The following ANHX variants were observed in gnomAD, a reference collection of about 807,000 sequenced individuals.
The protein encoded by ANHX is anomalous homeobox protein.
A neutral mutation model predicts 38.9 loss-of-function variants in ANHX; 20 were observed. The ratio of observed to expected loss-of-function variants is 0.51; its 90% CI spans 0.36 to 0.75. The LOEUF is 0.75. Ranked by LOEUF, ANHX falls within the 30% of genes least tolerant of loss-of-function variation. ANHX has a pLI of 0.00. For missense variants in ANHX, 475 were observed against 493.1 expected, an observed-to-expected ratio of 0.96 and a Z score of 0.35; for synonymous variants, 185 against 203.1, an observed-to-expected ratio of 0.91 and a Z score of 0.76.
At chr12:133,230,335 G>C (rs1957252081) in intron 3 of ANHX, among the ~76,000 whole-genome samples, 1 of 152,214 alleles carries the variant, frequency 6.6e-6, no homozygotes, top group South Asian at 2.1e-4. Context: ...ATTTACTGCT[G>C]GGCTTCTGAC....
chr12:133,234,392 C>T lies in ANHX; in HGVS notation c.-22-14G>A, dbSNP rs1341289834. 1.3e-6 allele frequency: 2 copies of T among 1,518,120 alleles called. No homozygotes were observed. The highest frequency in any genetic ancestry group is 1.2e-5 in the South Asian group (1 of 82,420). The allele number at this position is 1,518,120 out of a possible 1,614,324, so 94.0% of individuals were successfully genotyped here. ...GTCGTGGCCACTCTGCCAACACAAA[C>T]AGTCACAAGAATGGCCACCACTGAC... is the stretch of plus-strand genomic sequence containing the variant. On this transcript the variant is annotated splice_polypyrimidine_tract_variant and intron_variant, in intron 1 of 9. Transcript: ENST00000545940.
In ANHX at chr12:133,218,567, T is replaced by TC. The variant is rs1770460033; in HGVS notation, c.*317dup. The TC allele has an allele frequency of 4.7e-6, 1 of 211,084 alleles. No homozygotes were observed. The highest frequency in any genetic ancestry group is 2.3e-5 in the African/African-American group (1 of 43,564). 13.1% of individuals were successfully genotyped at this position (211,084 alleles called of 1,614,324 possible). A position where few individuals can be genotyped will look rare whatever the true frequency, so the allele number is the denominator to read the frequency against. On this transcript the variant is annotated 3_prime_UTR_variant, in exon 10 of 10. Coordinates refer to ENST00000545940, the MANE Select transcript of ANHX (RefSeq NM_001372060.1). ...GGCAAGGCAGCCAGCAGCAGAACACTCCCCTCTCTAGAATGGCCTTCTCTG... is the reference window on the plus strand; with the variant it reads ...GGCAAGGCAGCCAGCAGCAGAACACTCCCCCTCTCTAGAATGGCCTTCTCTG...
intron 7 of ANHX, among the ~76,000 whole-genome samples, chr12:133,224,549 C>T (rs571929714): frequency 6.7e-6 from 1 of 150,188 alleles, no homozygotes; most frequent in African/African-American, 2.5e-5. Context: ...TGTAGTTCTA[C>T]CTACTCGGGA....
chr12:133,231,336 G>C, intron 3 of ANHX, among the ~76,000 whole-genome samples, 181 bp downstream of exon 3: 1 of 152,206 alleles, frequency 6.6e-6, no homozygotes, highest in South Asian at 2.1e-4. Flanking sequence ...ATCCAGCACA[G>C]GTGTGACACA....
At chr12:133,235,004 A>G (rs933238174) in intron 1 of ANHX, 1 of 152,532 alleles carries the variant, frequency 6.6e-6, no homozygotes, top group Non-Finnish European at 1.5e-5. Context: ...ACTGCTTTCC[A>G]AAAGGTTTGT....
Position 133,218,894 on chromosome 12 carries a change from G to C in ANHX, c.1443C>G (p.Ser481Arg). 6.5e-7 allele frequency: 1 copy of C among 1,526,760 alleles called. No individual in the cohort carries two copies. Among genetic ancestry groups the C allele is most frequent in the Non-Finnish European group, 8.8e-7 (1 of 1,140,350 alleles). The allele number at this position is 1,526,760 out of a possible 1,614,324, so 94.6% of individuals were successfully genotyped here. Residue 481 changes from serine (S) to arginine (R), a missense_variant, in exon 10 of 10, where the codon AGC becomes AGG. Transcript: ENST00000545940. ...GGCTCCTGGGGATAGCTCAGCCCAG[G>C]CTGCTCCCTGAAAACTCAAGGAGCA... The part of the protein sequence containing the change: ...ARMLLEFSGS[S>R]LG
intron 7 of ANHX, among the ~76,000 whole-genome samples, chr12:133,224,916 G>T (rs549215215): frequency 6.8e-6 from 1 of 146,292 alleles, no homozygotes; most frequent in South Asian, 2.1e-4. Context: ...GCAGTGAGCC[G>T]AGATCACGCC....
chr12:133,218,961 G>C lies in ANHX; in HGVS notation c.1376C>G (p.Ser459Cys). 1.3e-6 allele frequency: 2 copies of C among 1,534,172 alleles called. No individual in the cohort carries two copies. Among genetic ancestry groups the C allele is most frequent in the Non-Finnish European group, 1.7e-6 (2 of 1,145,550 alleles). ...QALPSSQVQC[S>C]DSQASGDAFW... ...GGCATCACCAGAGGCCTGGCTATCA[G>C]AACACTGCACCTGGAAGACAACACA... is the stretch of plus-strand genomic sequence containing the variant. Residue 459 changes from serine to cysteine, a missense_variant, in exon 10 of 10, where the codon TCT becomes TGT. By Grantham distance (112) the Ser-to-Cys change is moderately radical (BLOSUM62 -1). Coordinates refer to ENST00000545940, the MANE Select transcript of ANHX (RefSeq NM_001372060.1).
At chr12:133,224,155 C>T (rs1219989167) in intron 7 of ANHX, among the ~76,000 whole-genome samples, 1 of 152,106 alleles carries the variant, frequency 6.6e-6, no homozygotes, top group Non-Finnish European at 1.5e-5. Context: ...ACAATAGCTT[C>T]ACTCCAGGCC....
rs1425360577 is a variant in ANHX at position 133,226,355 on chromosome 12, G to T, written c.802C>A (p.Pro268Thr). 2.0e-6 allele frequency: 3 copies of T among 1,536,288 alleles called. No homozygotes were observed. In the Admixed American group the frequency reaches 5.9e-5, roughly 30 times the overall value. The change falls in exon 6 of 10, where the codon CCC becomes ACC. Residue 268 changes from proline (P) to threonine (T), a missense_variant. Pro to Thr is a conservative substitution (Grantham distance 38). Coordinates refer to ENST00000545940, the MANE Select transcript of ANHX (RefSeq NM_001372060.1). The stretch of plus-strand genomic sequence containing the variant: ...GGCTTTGAGACTGTCTCATCTGCGG[G>T]AAAGTCCGGGGCTAAGGCCAGTGGC... ...WEPLALAPDFPADETVSKPLD... is the reference protein window; with the variant it reads ...WEPLALAPDFTADETVSKPLD...
chr12:133,220,137 C>A (rs1161658152), intron 8 of ANHX, among the ~76,000 whole-genome samples: 1 of 152,146 alleles, frequency 6.6e-6, no homozygotes, highest in Admixed American at 6.5e-5. Flanking sequence ...ACCTTCATCA[C>A]GGTGGTGGCC....
chr12:133,221,184 C>T lies in ANHX; in HGVS notation c.1280+21G>A, dbSNP rs1411366569. On this transcript the variant is annotated intron_variant, in intron 8 of 9. Coordinates refer to ENST00000545940, the MANE Select transcript of ANHX (RefSeq NM_001372060.1). This position sits in a 1 kb window ranked among gnomAD's most constrained non-coding sequence, Gnocchi z 4.1. ...GGCCTGTGGAAAGGACTGTCCAGGCCTGTGGCTCTTCAGGGCTTACCTCTG... is the reference window on the plus strand; with the variant it reads ...GGCCTGTGGAAAGGACTGTCCAGGCTTGTGGCTCTTCAGGGCTTACCTCTG... 1.3e-6 allele frequency: 2 copies of T among 1,535,794 alleles called. No individual in the cohort carries two copies. Among genetic ancestry groups the T allele is most frequent in the South Asian group, 2.4e-5 (2 of 84,012 alleles).
At chr12:133,230,941 G>A (rs954970784) in intron 3 of ANHX, among the ~76,000 whole-genome samples, 3 of 152,154 alleles carry the variant, frequency 2.0e-5, no homozygotes, top group African/African-American at 7.2e-5. Flanking sequence ...TAATGGTGGC[G>A]ATGATAAGGA....
intron 1 of ANHX, chr12:133,234,939 C>T (rs1957343066): frequency 6.5e-6 from 1 of 154,446 alleles, no homozygotes; most frequent in African/African-American, 2.4e-5. Flanking sequence ...GATCTTACTT[C>T]TGCGGAATAC....
At chr12:133,234,618 A>G (rs1442976312) in intron 1 of ANHX, 3 of 470,542 alleles carry the variant, frequency 6.4e-6, no homozygotes, top group East Asian at 8.2e-5. Context: ...TGCACCAAGC[A>G]CTGGGCTGGG....
intron 2 of ANHX, 97 bp downstream of exon 2, chr12:133,234,011 T>G (rs775357701): frequency 5.6e-6 from 8 of 1,440,470 alleles, no homozygotes; most frequent in Non-Finnish European, 7.3e-6. Flanking sequence ...GGGTTCCTAC[T>G]AACTCCTGGG....
At chr12:133,224,853 G>C (rs1290978036) in intron 7 of ANHX, among the ~76,000 whole-genome samples, 1 of 139,608 alleles carries the variant, frequency 7.2e-6, no homozygotes, top group Non-Finnish European at 1.5e-5. Context: ...TGTAGTCCCA[G>C]CTACTCGGGA....
intron 4 of ANHX, 44 bp from the exon 5 acceptor site, chr12:133,227,196 G>C: frequency 2.0e-6 from 3 of 1,507,892 alleles, no homozygotes; most frequent in Non-Finnish European, 2.7e-6. Flanking sequence ...TCCATTCCCT[G>C]AGGACAGGGG....
chr12:133,219,102 C>T, intron 9 of ANHX, 131 bp from the exon 10 acceptor site: 1 of 1,006,464 alleles, frequency 9.9e-7, no homozygotes, highest in Non-Finnish European at 1.5e-6. Context: ...AATGTTGCCC[C>T]ACAGCATCCC....
Sources: allele counts gnomAD v4.1 joint callset (sites outside exome capture counted in the v4.1 genomes callset), GRCh38; gene constraint gnomAD v4.1.1; non-coding constraint Gnocchi (gnomAD v3.1); transcripts MANE v1.5; gene names NCBI Gene and HGNC (gene_info 2026-07-23, HGNC 2026-07-21).